The following ZNF18 variants were observed in gnomAD, a reference collection of about 807,000 sequenced individuals.
ZNF18 encodes the protein heart development-specific gene 1 protein.
In ZNF18, 42 loss-of-function variants were observed where a neutral mutation model predicts 58.1. The observed-to-expected ratio is 0.72, with a 90% CI of 0.56 to 0.93. ZNF18 has a LOEUF of 0.93. Among genes scored for constraint, ZNF18 ranks in the 40% least tolerant of loss-of-function variants. The pLI, the probability that ZNF18 is intolerant of heterozygous loss-of-function variation, is 0.00. For missense variants in ZNF18, 540 were observed against 644.2 expected, an observed-to-expected ratio of 0.84 and a Z score of 1.75; for synonymous variants, 231 against 239.8, an observed-to-expected ratio of 0.96 and a Z score of 0.34.
Position 11,978,709 on chromosome 17 carries a change from A to C in ZNF18, c.898T>G (p.Leu300Val). The change falls in exon 7 of 7, where the codon TTG becomes GTG. Residue 300 changes from leucine to valine, a missense_variant. By Grantham distance (32) the Leu-to-Val change is conservative. Transcript: ENST00000580306. The part of the protein sequence containing the change: ...RQENDKENLN[L>V]ENHRDQELLH... Reference sequence around the variant, plus strand: ...AGCTCCTGGTCCCTGTGATTCTCCAAATTTAGGTTCTCCTTGTCATTCTCT... The same window carrying C: ...AGCTCCTGGTCCCTGTGATTCTCCACATTTAGGTTCTCCTTGTCATTCTCT... The C allele has an allele frequency of 1.2e-6, 2 of 1,601,702 alleles. No individual in the cohort carries two copies. Among genetic ancestry groups the C allele is most frequent in the Non-Finnish European group, 1.7e-6 (2 of 1,178,112 alleles).
At chr17:12,018,986 G>A in the ZNF18 span, among the ~76,000 whole-genome samples, 1 of 151,062 alleles carries the variant, frequency 6.6e-6, no homozygotes, top group Admixed American at 6.6e-5. Context: ...ATGGAGTCTT[G>A]CTCTGTCACC....
rs761297688 is a variant in ZNF18, at chr17:11,977,933, G to A, written c.*24C>T. On this transcript the variant is annotated 3_prime_UTR_variant, in exon 7 of 7. Transcript: ENST00000580306. ...TGTGACTGGGCTGGGAGATAGAAAT[G>A]GGGAAAGAGAGTTTGGTTACTGGCT... is the stretch of plus-strand genomic sequence containing the variant. The A allele has an allele frequency of 2.0e-6, 3 of 1,534,522 alleles. No individual in the cohort carries two copies. Among genetic ancestry groups the A allele is most frequent in the South Asian group, 1.3e-5 (1 of 76,344 alleles).
intron 4 of ZNF18, among the ~76,000 whole-genome samples, chr17:11,984,448 G>A (rs184923352): frequency 1.6e-4 from 25 of 151,804 alleles, no homozygotes; most frequent in Admixed American, 7.9e-4. Context: ...ACCTCTTCAG[G>A]TGAATTATTT....
At chr17:11,993,004 G>T in intron 1 of ZNF18, 93 bp from the exon 2 acceptor site, 1 of 701,604 alleles carries the variant, frequency 1.4e-6, no homozygotes, top group Non-Finnish European at 2.3e-6. Flanking sequence ...AAGCCATGGG[G>T]TCAACTATGG....
chr17:12,002,113 C>T (rs1328490175), upstream of ZNF18: 1 of 152,078 alleles, frequency 6.6e-6, no homozygotes, highest in Non-Finnish European at 1.5e-5. Context: ...AAGATATTAA[C>T]TTTTTGGCTG....
intron 3 of ZNF18, 118 bp from the exon 4 acceptor site, chr17:11,990,668 T>A (rs898409454): frequency 2.5e-5 from 20 of 786,416 alleles, no homozygotes; most frequent in Non-Finnish European, 3.7e-5. Context: ...TGTACTGCCA[T>A]CTATATTTCA....
chr17:12,013,113 G>A, the ZNF18 span, among the ~76,000 whole-genome samples: 1 of 152,008 alleles, frequency 6.6e-6, no homozygotes, highest in Admixed American at 6.6e-5. Flanking sequence ...CACCATGCCC[G>A]GCTAATTTTT....
intron 6 of ZNF18, among the ~76,000 whole-genome samples, chr17:11,979,288 G>A (rs1465687494): frequency 6.6e-6 from 1 of 152,090 alleles, no homozygotes; most frequent in Non-Finnish European, 1.5e-5. Flanking sequence ...GACATAATTT[G>A]TGTCATATTG....
At chr17:11,995,001 A>G (rs1353473216) in intron 1 of ZNF18, among the ~76,000 whole-genome samples, 2 of 152,226 alleles carry the variant, frequency 1.3e-5, no homozygotes, top group Non-Finnish European at 2.9e-5. Context: ...TTGGTCTTGC[A>G]GTCGCAGGAG....
intron 1 of ZNF18, among the ~76,000 whole-genome samples, chr17:11,994,801 A>T (rs866208671): frequency 3.3e-5 from 5 of 152,198 alleles, no homozygotes; most frequent in Non-Finnish European, 5.9e-5. Context: ...AGATCGTGCC[A>T]CTGCACTCCA....
At chr17:11,990,352 C>A in intron 4 of ZNF18, 110 bp downstream of exon 4, 1 of 834,888 alleles carries the variant, frequency 1.2e-6, no homozygotes, top group Non-Finnish European at 1.8e-6. Context: ...TGGTGACAGA[C>A]AGCAGATCAG....
At chr17:11,997,079 G>C (rs184022903) in intron 1 of ZNF18, 1 of 152,288 alleles carries the variant, frequency 6.6e-6, no homozygotes, top group Admixed American at 6.5e-5. Flanking sequence ...TCATCCCATC[G>C]GGTTTCCTCT....
intron 1 of ZNF18, among the ~76,000 whole-genome samples, chr17:11,996,595 GCCC>G (rs1394905319): frequency 2.6e-5 from 4 of 151,846 alleles, no homozygotes; most frequent in African/African-American, 4.8e-5. Flanking sequence ...ATGAGGAACT[GCCC>G]CCATTAGTTA....
At chr17:12,002,122 T>C (rs1266795124), upstream of ZNF18, 1 of 152,134 alleles carries the variant, frequency 6.6e-6, no homozygotes, top group Non-Finnish European at 1.5e-5. Flanking sequence ...ACTTTTTGGC[T>C]GGGCCCAGTG....
the ZNF18 span, among the ~76,000 whole-genome samples, chr17:12,011,880 T>C: frequency 1.3e-5 from 2 of 151,104 alleles, no homozygotes; most frequent in Non-Finnish European, 2.9e-5. Context: ...TTTGTATTTT[T>C]AGTAGAGATG....
chr17:12,016,010 C>G, the ZNF18 span, among the ~76,000 whole-genome samples: 2 of 152,162 alleles, frequency 1.3e-5, no homozygotes, highest in African/African-American at 4.8e-5. Flanking sequence ...AGGCTGGTCT[C>G]AAACACCTGA....
intron 5 of ZNF18, 63 bp from the exon 6 acceptor site, chr17:11,983,470 G>A: frequency 7.6e-7 from 1 of 1,324,276 alleles, no homozygotes; most frequent in Non-Finnish European, 1.1e-6. Context: ...CTCAAGCTGT[G>A]TCTTTCAAAG....
At chr17:11,987,341 T>G (rs1597964279) in intron 4 of ZNF18, among the ~76,000 whole-genome samples, 1 of 152,230 alleles carries the variant, frequency 6.6e-6, no homozygotes, top group African/African-American at 2.4e-5. Flanking sequence ...CGTATCATTA[T>G]TCTGGCATTA....
the ZNF18 span, among the ~76,000 whole-genome samples, chr17:12,014,275 C>T: frequency 2.6e-5 from 4 of 152,172 alleles, no homozygotes; most frequent in African/African-American, 9.7e-5. Flanking sequence ...TCATCAGTTC[C>T]ACTCCTATGT....
Sources: gnomAD v4.1 joint callset for allele counts (sites outside exome capture counted in the v4.1 genomes callset) on GRCh38, gnomAD v4.1.1 for gene constraint, MANE v1.5 for transcripts, NCBI Gene and HGNC (gene_info 2026-07-23, HGNC 2026-07-21) for gene names.